The following ATF6 variants were observed in gnomAD, a reference collection of about 807,000 sequenced individuals.
ATF6 encodes the protein activating transcription factor 6, also known as cyclic AMP-dependent transcription factor ATF-6 alpha.
Under a neutral mutation model 83.6 loss-of-function variants are expected in ATF6, and 53 were observed. The ratio of observed to expected loss-of-function variants is 0.63; its 90% CI spans 0.51 to 0.80. ATF6 has a LOEUF of 0.80. ATF6 is among the 30% of genes least tolerant of loss of function. The pLI, the probability that ATF6 is intolerant of heterozygous loss-of-function variation, is 0.00. For synonymous variants in ATF6, 288 were observed against 285.8 expected (o/e 1.01, Z -0.08); for missense variants, 744 against 797.9 (o/e 0.93, Z 0.81).
chr1:161,845,146 C>T (rs1156538787), intron 9 of ATF6, among the ~76,000 whole-genome samples: 3 of 152,120 alleles, frequency 2.0e-5, no homozygotes, highest in Admixed American at 6.5e-5. Flanking sequence ...ATTAAGGGAT[C>T]AGAAAAATAT....
intron 15 of ATF6, among the ~76,000 whole-genome samples, chr1:161,914,841 A>G (rs1688061198): frequency 6.6e-6 from 1 of 152,088 alleles, no homozygotes; most frequent in Non-Finnish European, 1.5e-5. Context: ...CTTAGGTCCC[A>G]CTTTCTTGGA....
intron 12 of ATF6, 75 bp downstream of exon 12, chr1:161,853,398 C>A: frequency 9.0e-7 from 1 of 1,113,098 alleles, no homozygotes; most frequent in Non-Finnish European, 1.3e-6. Context: ...TTACTCTCTT[C>A]CCTAGAAGGT....
chr1:161,853,548 G>A (rs901013868), intron 12 of ATF6, among the ~76,000 whole-genome samples: 6 of 152,288 alleles, frequency 3.9e-5, no homozygotes, highest in East Asian at 1.9e-4. Flanking sequence ...ATCAGGCATC[G>A]TGCTATTTCT....
At chr1:161,879,188 T>G (rs970920484) in intron 14 of ATF6, among the ~76,000 whole-genome samples, 1 of 152,108 alleles carries the variant, frequency 6.6e-6, no homozygotes, top group Non-Finnish European at 1.5e-5. Flanking sequence ...GTTTCTGTTT[T>G]CCCAGTGAAG....
chr1:161,932,030 A>G (rs997364213), intron 15 of ATF6, among the ~76,000 whole-genome samples: 1 of 151,870 alleles, frequency 6.6e-6, no homozygotes, highest in Non-Finnish European at 1.5e-5. Context: ...AGGAACCAAC[A>G]TTTTTTTTGG....
intron 15 of ATF6, among the ~76,000 whole-genome samples, chr1:161,948,051 T>G (rs544391486): frequency 6.6e-6 from 1 of 152,212 alleles, no homozygotes; most frequent in African/African-American, 2.4e-5. Context: ...CTCGAACTCC[T>G]GACCTCAAGT....
At chr1:161,912,490 G>T (rs34845573) in intron 15 of ATF6, 110 bp downstream of exon 15, 3 of 522,736 alleles carry the variant, frequency 5.7e-6, no homozygotes, top group African/African-American at 2.0e-5. Flanking sequence ...GTATATATCC[G>T]TACATTATTT....
In ATF6 at chr1:161,773,441, T is replaced by G. The variant is rs147220937; in HGVS notation, c.83-4803T>G. On this transcript the variant is annotated intron_variant, in intron 1 of 15. Coordinates refer to ENST00000367942, the MANE Select transcript of ATF6 (RefSeq NM_007348.4). ...CAGGCGTCAGCCACTAATTTTTGTA[T>G]TTTTAGTAGAGATGGGGTTTCACCA... Among the ~76,000 whole-genome samples the G allele has an allele frequency of 1.0e-3, 156 of 152,220 alleles. 3 individuals are homozygous for G. In the East Asian group the frequency reaches 0.027, roughly 26 times the overall value.
intron 1 of ATF6, among the ~76,000 whole-genome samples, chr1:161,772,720 A>G (rs965753293): frequency 1.3e-5 from 2 of 151,720 alleles, no homozygotes; most frequent in African/African-American, 2.4e-5. Flanking sequence ...TGTTTCTCCT[A>G]GAAGTACTGT....
intron 10 of ATF6, among the ~76,000 whole-genome samples, chr1:161,851,060 G>A (rs1470793452): frequency 1.3e-5 from 2 of 151,778 alleles, no homozygotes; most frequent in African/African-American, 4.8e-5. Context: ...ATTCTTCCAT[G>A]ATCCCATAGT....
At chr1:161,776,891 A>C (rs569469290) in intron 1 of ATF6, among the ~76,000 whole-genome samples, 3 of 152,294 alleles carry the variant, frequency 2.0e-5, no homozygotes, top group Non-Finnish European at 4.4e-5. Flanking sequence ...AGATAGATAG[A>C]AACGTTTATG....
intron 9 of ATF6, among the ~76,000 whole-genome samples, chr1:161,829,075 A>T (rs1466878765): frequency 6.6e-6 from 1 of 152,208 alleles, no homozygotes; most frequent in African/African-American, 2.4e-5. Flanking sequence ...TTCAACAAGA[A>T]GAGCTAACTA....
chr1:161,814,340 T>C (rs1389258338), intron 7 of ATF6, among the ~76,000 whole-genome samples: 1 of 152,194 alleles, frequency 6.6e-6, no homozygotes, highest in African/African-American at 2.4e-5. Context: ...GCTGAGAGCA[T>C]CTGGTGCATA....
chr1:161,778,232 C>T lies in ATF6; in HGVS notation c.83-12C>T, dbSNP rs755804274. 3.7e-6 allele frequency: 6 copies of T among 1,609,916 alleles called. No homozygotes were observed. Among genetic ancestry groups the T allele is most frequent in the South Asian group, 2.2e-5 (2 of 90,838 alleles). On this transcript the variant is annotated splice_polypyrimidine_tract_variant and intron_variant, in intron 1 of 15. Transcript: ENST00000367942. Reference sequence around the variant, plus strand: ...TTGACAGTTCATTTCTATTCTTTTCCTTTGTCCAAAGATTCTGCTCTCTTT... The same window carrying T: ...TTGACAGTTCATTTCTATTCTTTTCTTTTGTCCAAAGATTCTGCTCTCTTT...
intron 12 of ATF6, among the ~76,000 whole-genome samples, chr1:161,856,845 C>T (rs956772794): frequency 2.0e-5 from 3 of 152,048 alleles, no homozygotes; most frequent in African/African-American, 7.2e-5. Flanking sequence ...AATTCCAATG[C>T]AAGAAAAAGA....
At chr1:161,774,886 C>T (rs1245506766) in intron 1 of ATF6, among the ~76,000 whole-genome samples, 1 of 152,144 alleles carries the variant, frequency 6.6e-6, no homozygotes, top group Non-Finnish European at 1.5e-5. Flanking sequence ...GTTCTTTAGT[C>T]TTTTCCTGTC....
chr1:161,908,731 T>C (rs1444267497), intron 14 of ATF6, among the ~76,000 whole-genome samples: 2 of 152,220 alleles, frequency 1.3e-5, no homozygotes, highest in Admixed American at 1.3e-4. Flanking sequence ...TGCCGAAATA[T>C]ATTTCTTTCT....
intron 1 of ATF6, among the ~76,000 whole-genome samples, chr1:161,772,963 G>GTTTTTTTTTTTTTTT (rs34459711): frequency 1.4e-5 from 1 of 73,522 alleles, no homozygotes; most frequent in Non-Finnish European, 2.6e-5. Context: ...TGAAACTCCT[G>GTTTTTTTTTTTTTTT]TTTTTTTTTT....
chr1:161,900,493 A>G (rs1485161480), intron 14 of ATF6, among the ~76,000 whole-genome samples: 2 of 152,160 alleles, frequency 1.3e-5, no homozygotes, highest in Admixed American at 1.3e-4. Flanking sequence ...AGTCAAATAT[A>G]ATCTTTTGCA....
Sources: gnomAD v4.1 joint callset for allele counts (sites outside exome capture counted in the v4.1 genomes callset) on GRCh38, gnomAD v4.1.1 for gene constraint, MANE v1.5 for transcripts, NCBI Gene and HGNC (gene_info 2026-07-23, HGNC 2026-07-21) for gene names.